The following RAB11FIP4 variants were observed in gnomAD, a reference collection of about 807,000 sequenced individuals.
RAB11FIP4 encodes the protein RAB11 family interacting protein 4, also known as rab11 family-interacting protein 4.
A neutral mutation model predicts 74.3 loss-of-function variants in RAB11FIP4; 23 were observed. The ratio of observed to expected loss-of-function variants is 0.31; its 90% CI spans 0.22 to 0.44. The LOEUF (loss-of-function observed/expected upper bound fraction) is 0.44, where lower values mean the gene tolerates loss of function less well. RAB11FIP4 is among the 20% of genes least tolerant of loss of function. The probability of loss-of-function intolerance (pLI) is 1.00; values close to 1 mark genes in which losing one functional copy is unlikely to be tolerated. For missense variants in RAB11FIP4, 630 were observed against 863.9 expected (o/e 0.73, Z 3.39); for synonymous variants, 360 against 359.9 (o/e 1.00, Z 0.00).
intron 11 of RAB11FIP4, 101 bp downstream of exon 11, chr17:31,528,024 T>G (rs1396094631): frequency 1.1e-6 from 1 of 895,206 alleles, no homozygotes; most frequent in Non-Finnish European, 1.7e-6. Flanking sequence ...CCCTAAGAAA[T>G]GCAAAAAAAG....
intron 1 of RAB11FIP4, among the ~76,000 whole-genome samples, chr17:31,405,874 A>G (rs569183683): frequency 1.6e-4 from 25 of 152,082 alleles, no homozygotes; most frequent in African/African-American, 6.0e-4. Flanking sequence ...TTTCACCTCG[A>G]GGTGTTTACT....
At position 31,476,841 on chromosome 17, in the gene RAB11FIP4, G is replaced by A. The variant is rs187943335; in HGVS notation, c.337-40810G>A. Among the ~76,000 whole-genome samples the A allele has an allele frequency of 2.6e-5, 4 of 152,308 alleles. No individual in the cohort carries two copies. In the East Asian group the frequency reaches 7.7e-4, roughly 29 times the overall value. The stretch of plus-strand genomic sequence containing the variant: ...AACAGTGGCTCCGTGTCCAGAGGCC[G>A]GGCACCTTTGGTTTTCCTTTGCCCA... On this transcript the variant is annotated intron_variant, in intron 3 of 14. Coordinates refer to ENST00000621161, the MANE Select transcript of RAB11FIP4 (RefSeq NM_032932.6).
intron 3 of RAB11FIP4, among the ~76,000 whole-genome samples, chr17:31,450,131 C>T (rs1011465502): frequency 6.6e-6 from 1 of 152,028 alleles, no homozygotes; most frequent in African/African-American, 2.4e-5. Context: ...TTTTAACAAA[C>T]GTCTCCCTAC....
intron 3 of RAB11FIP4, among the ~76,000 whole-genome samples, chr17:31,453,381 C>A (rs4039050): frequency 0.098 from 8,291 of 84,410 alleles, 751 homozygotes; most frequent in African/African-American, 0.27. Flanking sequence ...AAAAAAAAAA[C>A]AAACCTGGGG....
chr17:31,523,936 G>C lies in RAB11FIP4; in HGVS notation c.1073G>C (p.Ser358Thr). 6.2e-7 allele frequency: 1 copy of C among 1,612,776 alleles called. No homozygotes were observed. ...EKKVTELEND[S>T]LTNGDLKSKL... Reference sequence around the variant, plus strand: ...AAGGTGACAGAGCTGGAGAATGACAGCCTGACCAATGGGGACCTGAAGAGC... The same window carrying C: ...AAGGTGACAGAGCTGGAGAATGACACCCTGACCAATGGGGACCTGAAGAGC... The change falls in exon 9 of 15, where the codon AGC (serine) becomes ACC (threonine). Residue 358 changes from serine to threonine, a missense_variant. By Grantham distance (58) the Ser-to-Thr change is moderately conservative. Coordinates refer to ENST00000621161, the MANE Select transcript of RAB11FIP4 (RefSeq NM_032932.6).
chr17:31,459,496 T>C lies in RAB11FIP4; in HGVS notation c.336+25374T>C, dbSNP rs1053911785. On this transcript the variant is annotated intron_variant, in intron 3 of 14. Coordinates refer to ENST00000621161, the MANE Select transcript of RAB11FIP4 (RefSeq NM_032932.6). ...CCGGTGAGCGTTTTATTATTATTAT[T>C]ATTATTATTTAACATGAATGGTACC... Among the ~76,000 whole-genome samples, 14 of 152,100 alleles carry C rather than the reference T, an allele frequency of 9.2e-5. 1 individual carries two copies. The highest frequency in any genetic ancestry group is 6.8e-3 in the Middle Eastern group (2 of 294).
chr17:31,444,391 C>G (rs1451683260), intron 3 of RAB11FIP4, among the ~76,000 whole-genome samples: 1 of 151,364 alleles, frequency 6.6e-6, no homozygotes. Flanking sequence ...TCTACTTATC[C>G]CAAGCCTCAG....
intron 3 of RAB11FIP4, among the ~76,000 whole-genome samples, chr17:31,458,475 G>C (rs1021399464): frequency 6.6e-6 from 1 of 152,206 alleles, no homozygotes; most frequent in Non-Finnish European, 1.5e-5. Flanking sequence ...TGGATATAGG[G>C]GGTCCTAAAA....
chr17:31,478,819 C>A (rs1004519831), intron 3 of RAB11FIP4, among the ~76,000 whole-genome samples: 2 of 152,194 alleles, frequency 1.3e-5, no homozygotes, highest in Admixed American at 6.5e-5. Context: ...ATCATAGACA[C>A]CTGATGTGGG....
intron 3 of RAB11FIP4, among the ~76,000 whole-genome samples, chr17:31,485,906 A>C (rs968279511): frequency 6.6e-6 from 1 of 152,172 alleles, no homozygotes; most frequent in Non-Finnish European, 1.5e-5. Context: ...CAGTGGTATG[A>C]TACACCACAT....
intron 3 of RAB11FIP4, among the ~76,000 whole-genome samples, chr17:31,507,844 A>T (rs1286233040): frequency 6.6e-6 from 1 of 151,124 alleles, no homozygotes; most frequent in East Asian, 1.9e-4. Flanking sequence ...TATTTTAACT[A>T]ATTTATTTTT....
At chr17:31,420,898 A>G (rs1478124990) in intron 1 of RAB11FIP4, among the ~76,000 whole-genome samples, 1 of 152,116 alleles carries the variant, frequency 6.6e-6, no homozygotes, top group Non-Finnish European at 1.5e-5. Context: ...AGCCTGACCC[A>G]TATGAAGAAA....
rs546892327 is a variant in RAB11FIP4 at position 31,400,838 on chromosome 17, CACG to C, written c.159+8828_159+8830del. Reference sequence around the variant, plus strand: ...AGTGGCGATGGACAGGTCTGGGGACCACGCTTCAGCCCCCACCGCCTGGCACAT... The same window carrying C: ...AGTGGCGATGGACAGGTCTGGGGACCCTTCAGCCCCCACCGCCTGGCACAT... On this transcript the variant is annotated intron_variant, in intron 1 of 14. Coordinates refer to ENST00000621161, the MANE Select transcript of RAB11FIP4 (RefSeq NM_032932.6). Among the ~76,000 whole-genome samples, 336 of 152,282 alleles carry C rather than the reference CACG, an allele frequency of 2.2e-3. 4 individuals carry two copies. Among genetic ancestry groups the C allele is most frequent in the African/African-American group, 7.2e-3 (300 of 41,566 alleles).
intron 1 of RAB11FIP4, among the ~76,000 whole-genome samples, chr17:31,417,554 G>A (rs1159435700): frequency 1.3e-5 from 2 of 152,172 alleles, no homozygotes; most frequent in East Asian, 1.9e-4. Flanking sequence ...GGATATAGAC[G>A]ATGTCAGGTG....
In RAB11FIP4 at chr17:31,517,856, G is replaced by A. The variant is rs1196273271; in HGVS notation, c.542G>A (p.Gly181Asp). 1.5e-5 allele frequency: 24 copies of A among 1,551,440 alleles called. No homozygotes were observed. The Admixed American group carries it at 4.3e-4, about 28-fold the overall frequency. ...GCCGAGAAGGACGGGGGACTTGGGG[G>A]CCTGTTTCTGCCAGAAGACAAGTGA... The part of the protein sequence containing the change: ...SPAEKDGGLG[G>D]LFLPEDKSLV... The change falls in exon 4 of 15, where the codon GGC becomes GAC. Residue 181 changes from glycine to aspartate, a missense_variant. Gly to Asp is a moderately conservative substitution (Grantham distance 94, BLOSUM62 -1). Coordinates refer to ENST00000621161, the MANE Select transcript of RAB11FIP4 (RefSeq NM_032932.6).
intron 3 of RAB11FIP4, among the ~76,000 whole-genome samples, chr17:31,474,766 C>A (rs574213383): frequency 6.6e-6 from 1 of 151,490 alleles, no homozygotes; most frequent in Non-Finnish European, 1.5e-5. Context: ...AGCTTGAACC[C>A]GGGAGGTGGA....
chr17:31,506,419 G>C (rs1195160432), intron 3 of RAB11FIP4, among the ~76,000 whole-genome samples: 2 of 152,168 alleles, frequency 1.3e-5, no homozygotes, highest in Non-Finnish European at 2.9e-5. Flanking sequence ...CTATCTTCTA[G>C]CTATTTTTAA....
chr17:31,425,101 T>C (rs8075900), intron 1 of RAB11FIP4, among the ~76,000 whole-genome samples: 27,581 of 152,176 alleles, frequency 0.18, 4,102 homozygotes, highest in African/African-American at 0.41. Flanking sequence ...TCAGCCGTCT[T>C]CTACGAACTG....
At chr17:31,402,402 G>A (rs566945155) in intron 1 of RAB11FIP4, among the ~76,000 whole-genome samples, 7 of 152,092 alleles carry the variant, frequency 4.6e-5, no homozygotes, top group South Asian at 2.1e-4. Context: ...GGTGACTTTC[G>A]GGAGGGCTCA....
Sources: gnomAD v4.1 joint callset for allele counts (sites outside exome capture counted in the v4.1 genomes callset) on GRCh38, gnomAD v4.1.1 for gene constraint, MANE v1.5 for transcripts, NCBI Gene and HGNC (gene_info 2026-07-23, HGNC 2026-07-21) for gene names.